Variants in IL7 observed in about 807,000 individuals in gnomAD.
IL7 encodes interleukin-7.
A neutral mutation model predicts 21.6 loss-of-function variants in IL7; 3 were observed. The ratio of observed to expected loss-of-function variants is 0.14; its 90% CI spans 0.06 to 0.36. The LOEUF (loss-of-function observed/expected upper bound fraction) is 0.36. Among genes scored for constraint, IL7 ranks in the 10% least tolerant of loss-of-function variants. IL7 has a pLI of 1.00. For synonymous variants in IL7, 62 were observed against 68.1 expected (o/e 0.91, Z 0.44); for missense variants, 175 against 200.2 (o/e 0.87, Z 0.76).
chr8:78,687,414 C>G (rs1437495691), intron 3 of IL7, among the ~76,000 whole-genome samples: 3 of 147,448 alleles, frequency 2.0e-5, no homozygotes, highest in Non-Finnish European at 4.5e-5. Flanking sequence ...TTTTATATGC[C>G]ATAAGGTTTC....
At chr8:78,736,552 A>C in intron 4 of IL7, 25 bp from the exon 5 acceptor site, 1 of 1,494,144 alleles carries the variant, frequency 6.7e-7, no homozygotes, top group Non-Finnish European at 9.3e-7. Context: ...CACATTTATA[A>C]TATTGAATAT....
chr8:78,771,327 C>G (rs984522500), intron 2 of IL7, among the ~76,000 whole-genome samples: 2 of 152,008 alleles, frequency 1.3e-5, no homozygotes, highest in African/African-American at 4.8e-5. Context: ...TAAAGGTTAT[C>G]CCATCTCTCT....
At chr8:78,704,383 A>G (rs1372234383) in intron 3 of IL7, among the ~76,000 whole-genome samples, 9 of 135,296 alleles carry the variant, frequency 6.7e-5, no homozygotes, top group Non-Finnish European at 1.1e-4. Flanking sequence ...GTGAGACTCC[A>G]TCTCAAAAAA....
intron 4 of IL7, chr8:78,721,193 T>G (rs1811230682): frequency 6.6e-6 from 1 of 152,046 alleles, no homozygotes; most frequent in African/African-American, 2.4e-5. Context: ...ATGGAACTTT[T>G]GTTTATCATG....
At chr8:78,714,761 A>G (rs1279786423), downstream of IL7, among the ~76,000 whole-genome samples, 1 of 152,202 alleles carries the variant, frequency 6.6e-6, no homozygotes, top group Admixed American at 6.5e-5. Flanking sequence ...GCTGCTTTTT[A>G]GAACTTTCAT....
At chr8:78,686,694 CTTACAATCATGGAGTG>C (rs1427120544) in intron 3 of IL7, 1 of 1,320,756 alleles carries the variant, frequency 7.6e-7, no homozygotes, top group African/African-American at 1.5e-5. Flanking sequence ...TTAAGCTTAA[CTTACAATCATGGAGTG>C]TTATGAGGCA....
chr8:78,740,977 C>G (rs1389119737), intron 2 of IL7, among the ~76,000 whole-genome samples: 1 of 151,992 alleles, frequency 6.6e-6, no homozygotes, highest in Admixed American at 6.6e-5. Flanking sequence ...TTCTTATGCA[C>G]CGGGTTGGAC....
intron 2 of IL7, chr8:78,762,061 A>C: frequency 6.2e-7 from 1 of 1,604,080 alleles, no homozygotes; most frequent in Non-Finnish European, 8.5e-7. Context: ...CCTGCTCAGA[A>C]GTTTCATCAA....
At chr8:78,682,002 C>A (rs1307513301) in intron 4 of IL7, among the ~76,000 whole-genome samples, 1 of 151,316 alleles carries the variant, frequency 6.6e-6, no homozygotes, top group Non-Finnish European at 1.5e-5. Flanking sequence ...TTTCACCTCC[C>A]AAAATGTGGG....
chr8:78,784,882 C>T (rs907652390), intron 2 of IL7, among the ~76,000 whole-genome samples: 1 of 152,054 alleles, frequency 6.6e-6, no homozygotes, highest in Non-Finnish European at 1.5e-5. Flanking sequence ...CCTCCATCTT[C>T]TCCTTGAAAA....
chr8:78,741,852 T>C (rs928816490), intron 2 of IL7, among the ~76,000 whole-genome samples: 1 of 152,240 alleles, frequency 6.6e-6, no homozygotes, highest in African/African-American at 2.4e-5. Context: ...AAAATTCTTT[T>C]CATTCATGCC....
chr8:78,767,503 TC>T (rs1339731905), intron 2 of IL7, among the ~76,000 whole-genome samples: 1 of 152,134 alleles, frequency 6.6e-6, no homozygotes. Flanking sequence ...AATTATATTC[TC>T]TACCAATCTA....
downstream of IL7, among the ~76,000 whole-genome samples, chr8:78,731,984 A>G (rs1811432746): frequency 6.6e-6 from 1 of 152,092 alleles, no homozygotes. Context: ...GATAGCCTTG[A>G]AGGAAACATT....
chr8:78,730,203 G>A (rs896650738), downstream of IL7, among the ~76,000 whole-genome samples: 8 of 151,890 alleles, frequency 5.3e-5, no homozygotes, highest in South Asian at 2.1e-4. Flanking sequence ...CAAGAAAAAT[G>A]TACTTCATTC....
chr8:78,719,342 A>G (rs1230491011), intron 5 of IL7: 4 of 151,744 alleles, frequency 2.6e-5, no homozygotes, highest in Admixed American at 2.0e-4. Flanking sequence ...TTAATGTTAT[A>G]ATGTACCACA....
intron 2 of IL7, 57 bp from the exon 3 acceptor site, chr8:78,740,139 G>A: frequency 1.0e-6 from 1 of 999,100 alleles, no homozygotes. Flanking sequence ...CTAATATCTT[G>A]TAATTATAAA....
intron 3 of IL7, among the ~76,000 whole-genome samples, chr8:78,698,056 G>T (rs1266627356): frequency 1.3e-5 from 2 of 152,060 alleles, no homozygotes; most frequent in Non-Finnish European, 2.9e-5. Context: ...AGAATAGTCA[G>T]CCCAGTACTT....
downstream of IL7, among the ~76,000 whole-genome samples, chr8:78,713,339 T>C (rs148102802): frequency 3.9e-5 from 6 of 152,202 alleles, no homozygotes; most frequent in East Asian, 1.2e-3. Flanking sequence ...ATCTCTTATA[T>C]TTTCCTCTAA....
intron 3 of IL7, among the ~76,000 whole-genome samples, chr8:78,698,034 T>C (rs1307344121): frequency 6.6e-6 from 1 of 152,160 alleles, no homozygotes; most frequent in African/African-American, 2.4e-5. Context: ...TTGTTATTGA[T>C]GTCATCTGTT....
Sources: allele counts gnomAD v4.1 joint callset (sites outside exome capture counted in the v4.1 genomes callset), GRCh38; gene constraint gnomAD v4.1.1; transcripts MANE v1.5; gene names NCBI Gene and HGNC (gene_info 2026-07-23, HGNC 2026-07-21).